The following ZW10 variants were observed in gnomAD, a reference collection of about 807,000 sequenced individuals.
The protein encoded by ZW10 is zw10 kinetochore protein, also known as centromere/kinetochore protein zw10 homolog.
Under a neutral mutation model 87.8 loss-of-function variants are expected in ZW10, and 53 were observed. That is an observed-to-expected ratio of 0.60 (90% CI 0.48 to 0.76). ZW10 has a LOEUF of 0.76. Among genes scored for constraint, ZW10 ranks in the 30% least tolerant of loss-of-function variants. The probability of loss-of-function intolerance (pLI) is 0.00; values close to 1 mark genes in which losing one functional copy is unlikely to be tolerated. For synonymous variants in ZW10, 312 were observed against 329.2 expected, an observed-to-expected ratio of 0.95 and a Z score of 0.57; for missense variants, 837 against 923.0, an observed-to-expected ratio of 0.91 and a Z score of 1.21.
intron 3 of ZW10, 91 bp from the exon 4 acceptor site, chr11:113,760,681 C>A: frequency 1.7e-6 from 2 of 1,179,660 alleles, no homozygotes; most frequent in South Asian, 1.5e-5. Flanking sequence ...TTCCCTCCCC[C>A]TCCCCCCTCT....
chr11:113,739,508 C>G (rs985846972), intron 11 of ZW10, 126 bp from the exon 12 acceptor site: 1 of 817,890 alleles, frequency 1.2e-6, no homozygotes, highest in East Asian at 2.8e-5. Context: ...AAATGCTATA[C>G]ATAACAAGAT....
At chr11:113,750,814 A>G (rs1953726358) in intron 7 of ZW10, among the ~76,000 whole-genome samples, 1 of 152,160 alleles carries the variant, frequency 6.6e-6, no homozygotes, top group Middle Eastern at 3.2e-3. Flanking sequence ...TGCACAAAAA[A>G]GAAAATCCTT....
intron 5 of ZW10, 23 bp downstream of exon 5, chr11:113,760,186 A>G (rs969634699): frequency 6.2e-7 from 1 of 1,607,760 alleles, no homozygotes. Context: ...GAAGCAAAGC[A>G]GTCCACCTGA....
Position 113,743,890 on chromosome 11 carries a change from G to A in ZW10, c.1423C>T (p.Pro475Ser), listed in dbSNP as rs1163988278. Residue 475 changes from proline (P) to serine (S), a missense_variant, in exon 10 of 16, where the codon CCC becomes TCC. Transcript: ENST00000200135. ...NTLDQHSFSL[P>S]TCRISESVKK... is the part of the protein sequence containing the mutation. Reference sequence around the variant, plus strand: ...ACAGACTCACTGATACGGCATGTGGGCAAGGAAAAGGAATGTTGGTCCAAT... The same window carrying A: ...ACAGACTCACTGATACGGCATGTGGACAAGGAAAAGGAATGTTGGTCCAAT... 1.2e-6 allele frequency: 2 copies of A among 1,614,014 alleles called. No individual in the cohort carries two copies. Among genetic ancestry groups the A allele is most frequent in the Non-Finnish European group, 8.5e-7 (1 of 1,180,030 alleles).
intron 9 of ZW10, among the ~76,000 whole-genome samples, chr11:113,747,250 T>C (rs1371484485): frequency 6.6e-6 from 1 of 152,182 alleles, no homozygotes; most frequent in Admixed American, 6.5e-5. Context: ...GAGAATAATC[T>C]ACTGTCTCAC....
At chr11:113,770,898 G>A (rs1034766476) in intron 1 of ZW10, among the ~76,000 whole-genome samples, 2 of 150,510 alleles carry the variant, frequency 1.3e-5, no homozygotes, top group Non-Finnish European at 3.0e-5. Context: ...GGTTCTAGAT[G>A]AAGGTTGCAC....
At chr11:113,757,537 C>T in intron 7 of ZW10, 125 bp downstream of exon 7, 1 of 777,336 alleles carries the variant, frequency 1.3e-6, no homozygotes, top group African/African-American at 1.8e-5. Context: ...CCCTATGGCA[C>T]AATTTACTTA....
At chr11:113,753,741 C>T (rs1370051173) in intron 7 of ZW10, among the ~76,000 whole-genome samples, 1 of 152,090 alleles carries the variant, frequency 6.6e-6, no homozygotes, top group African/African-American at 2.4e-5. Context: ...TGTGTAGAAG[C>T]TCAAACCCAC....
At chr11:113,760,612 T>A in intron 3 of ZW10, 22 bp from the exon 4 acceptor site, 3 of 1,539,008 alleles carry the variant, frequency 1.9e-6, no homozygotes, top group Non-Finnish European at 2.7e-6. Context: ...AGTATAATAT[T>A]TTATACATCC....
chr11:113,733,947 C>A, intron 15 of ZW10, 133 bp from the exon 16 acceptor site: 1 of 1,109,922 alleles, frequency 9.0e-7, no homozygotes, highest in Non-Finnish European at 1.3e-6. Flanking sequence ...CATCTTTCCT[C>A]TTCTTTATAG....
intron 15 of ZW10, among the ~76,000 whole-genome samples, chr11:113,736,384 C>T (rs1272643277): frequency 6.6e-6 from 1 of 152,020 alleles, no homozygotes; most frequent in Admixed American, 6.6e-5. Context: ...CATGCCAAAC[C>T]ACATACTCAA....
At chr11:113,754,463 C>T (rs1360134724) in intron 7 of ZW10, among the ~76,000 whole-genome samples, 1 of 151,974 alleles carries the variant, frequency 6.6e-6, no homozygotes, top group Non-Finnish European at 1.5e-5. Context: ...CCAGCCTGGG[C>T]AACAGAGTGC....
chr11:113,758,125 A>C (rs1247519832), intron 6 of ZW10, among the ~76,000 whole-genome samples: 1 of 152,112 alleles, frequency 6.6e-6, no homozygotes, highest in Non-Finnish European at 1.5e-5. Flanking sequence ...GTAAGCTGAG[A>C]TCATGCCATT....
chr11:113,760,225 CT>C lies in ZW10; in HGVS notation c.563del (p.Lys188SerfsTer62), dbSNP rs754143217. Reference protein sequence around the residue: ...GEEWQKLIVWKFPPSKDTSSL... With the variant: ...GEEWQKLIVWXFPPSKDTSSL... The stretch of plus-strand genomic sequence containing the variant: ...CAGCAGCACCTTTTGATGGTGGGAA[CT>C]TCCATACAATCAGCTTCTGCCACTC... On this transcript the variant is annotated frameshift_variant, in exon 5 of 16. Transcript: ENST00000200135. LOFTEE classifies it high-confidence loss of function. The C allele has an allele frequency of 6.2e-7, 1 of 1,613,984 alleles. No homozygotes were observed. Among genetic ancestry groups the C allele is most frequent in the South Asian group, 1.1e-5 (1 of 91,042 alleles).
rs561813159 is a variant in ZW10, at chr11:113,753,987, G to A, written c.925+3675C>T. 4.6e-5 allele frequency among the ~76,000 whole-genome samples: 7 copies of A among 152,342 alleles called. No individual in the cohort carries two copies. The East Asian group carries it at 7.7e-4, about 17-fold the overall frequency. ...TCCAGCAGACCTAGCTAAGATAACC[G>A]ACAAAGGTCTCTATACTAAACAATA... On this transcript the variant is annotated intron_variant, in intron 7 of 15. Transcript: ENST00000200135.
chr11:113,752,574 A>C (rs1339185088), intron 7 of ZW10, among the ~76,000 whole-genome samples: 1 of 152,214 alleles, frequency 6.6e-6, no homozygotes, highest in Non-Finnish European at 1.5e-5. Flanking sequence ...CAATTCTCAG[A>C]GTATTTCAAA....
In ZW10 at chr11:113,741,839, G is replaced by A. The variant is rs1175329698; in HGVS notation, c.1512-74C>T. ...AACAAGAAAAAAATTTAAACTAAGT[G>A]CATCTTCAGTGAGAGTCATAAGCTA... On this transcript the variant is annotated intron_variant, in intron 10 of 15. Transcript: ENST00000200135. 4 of 1,016,294 alleles carry A rather than the reference G, an allele frequency of 3.9e-6. No homozygotes were observed. The Admixed American group carries it at 8.7e-5, about 22-fold the overall frequency. 63.0% of individuals were successfully genotyped at this position (1,016,294 alleles called of 1,614,324 possible). A position where few individuals can be genotyped will look rare whatever the true frequency, so the allele number is the denominator to read the frequency against.
rs771745067 is a variant in ZW10 at position 113,744,022 on chromosome 11, T to C, written c.1291A>G (p.Ile431Val). 14 of 1,611,996 alleles carry C rather than the reference T, an allele frequency of 8.7e-6. No homozygotes were observed. The highest frequency in any genetic ancestry group is 4.0e-5 in the African/African-American group (3 of 74,890). Reference protein sequence around the residue: ...NTVKIIPDSKINVPELPTPDE... With the variant: ...NTVKIIPDSKVNVPELPTPDE... ...GGAGTGGGTAACTCTGGCACATTTA[T>C]CTTAGAATCAGGAATAATCTAAGAT... is the stretch of plus-strand genomic sequence containing the variant. Residue 431 changes from isoleucine (I) to valine (V), a missense_variant, in exon 10 of 16, where the codon ATA becomes GTA. Ile to Val is a conservative substitution (Grantham distance 29). Transcript: ENST00000200135.
At position 113,760,358 on chromosome 11, in the gene ZW10, C is replaced by A; in HGVS notation, c.431G>T (p.Cys144Phe). 6.2e-7 allele frequency: 1 copy of A among 1,613,800 alleles called. No homozygotes were observed. The change falls in exon 5 of 16, where the codon TGC (cysteine) becomes TTC (phenylalanine). Residue 144 changes from cysteine (C) to phenylalanine (F), a missense_variant. By Grantham distance (205) the Cys-to-Phe change is radical. Coordinates refer to ENST00000200135, the MANE Select transcript of ZW10 (RefSeq NM_004724.4). Reference protein sequence around the residue: ...GAQRLEEAQKCLKLLKSRKCF... With the variant: ...GAQRLEEAQKFLKLLKSRKCF... ...TTTTCTGGATTTTAATAACTTCAAG[C>A]ATTTCTGTGCCTGGTAACGAAATGG...
Sources: allele counts gnomAD v4.1 joint callset (sites outside exome capture counted in the v4.1 genomes callset), GRCh38; gene constraint gnomAD v4.1.1; transcripts MANE v1.5; gene names NCBI Gene and HGNC (gene_info 2026-07-23, HGNC 2026-07-21).